The following PCDH9 variants were observed in gnomAD, a reference collection of about 807,000 sequenced individuals.
The protein encoded by PCDH9 is protocadherin 9, also known as protocadherin-9.
In PCDH9, 24 loss-of-function variants were observed where a neutral mutation model predicts 70.6. The observed-to-expected ratio is 0.34, with a 90% CI of 0.25 to 0.48. The LOEUF (loss-of-function observed/expected upper bound fraction) is 0.48. PCDH9 is among the 20% of genes least tolerant of loss of function. The pLI is 0.99. For missense variants in PCDH9, 1,281 were observed against 1,503.6 expected, an observed-to-expected ratio of 0.85 and a Z score of 2.45; for synonymous variants, 562 against 558.5, an observed-to-expected ratio of 1.01 and a Z score of -0.09.
At chr13:66,564,539 A>G (rs913181859) in intron 4 of PCDH9, among the ~76,000 whole-genome samples, 2 of 152,160 alleles carry the variant, frequency 1.3e-5, no homozygotes, top group African/African-American at 4.8e-5. Context: ...AGCTGATAAC[A>G]GAGAAATGGG....
rs2082661457 is a variant in PCDH9 at position 66,923,005 on chromosome 13, T to C, written c.3037-19400A>G. On this transcript the variant is annotated intron_variant, in intron 2 of 4. Coordinates refer to ENST00000377865, the MANE Select transcript of PCDH9 (RefSeq NM_203487.3). ...TTAGTTTTATCTTATCACAAGAGTT[T>C]GAAAGGGATGAGAATATTTATACGT... Among the ~76,000 whole-genome samples, 6 of 151,376 alleles carry C rather than the reference T, an allele frequency of 4.0e-5. No individual in the cohort carries two copies. The Admixed American group carries it at 4.0e-4, about 10-fold the overall frequency.
At chr13:66,513,707 A>T (rs1959597519) in intron 4 of PCDH9, among the ~76,000 whole-genome samples, 1 of 151,790 alleles carries the variant, frequency 6.6e-6, no homozygotes, top group Non-Finnish European at 1.5e-5. Context: ...CAAATGTGTA[A>T]CCTTTCTTAA....
chr13:66,457,916 G>A (rs1958351820), intron 4 of PCDH9, among the ~76,000 whole-genome samples: 1 of 151,788 alleles, frequency 6.6e-6, no homozygotes, highest in Non-Finnish European at 1.5e-5. Context: ...CCCTTAAATC[G>A]TTTCATTCAT....
At chr13:66,389,065 A>C (rs938537394) in intron 4 of PCDH9, among the ~76,000 whole-genome samples, 1 of 152,248 alleles carries the variant, frequency 6.6e-6, no homozygotes, top group African/African-American at 2.4e-5. Context: ...CCCACTACTA[A>C]ACATGCATTT....
chr13:66,548,686 T>C (rs1309431813), intron 4 of PCDH9, among the ~76,000 whole-genome samples: 1 of 152,198 alleles, frequency 6.6e-6, no homozygotes, highest in Non-Finnish European at 1.5e-5. Flanking sequence ...ATATCCACTT[T>C]AAAAGGCCTA....
chr13:67,148,662 C>T (rs2087582993), intron 2 of PCDH9, among the ~76,000 whole-genome samples: 1 of 151,908 alleles, frequency 6.6e-6, no homozygotes, highest in South Asian at 2.1e-4. Context: ...TGTTTTTCTT[C>T]GATGTCCTTT....
intron 3 of PCDH9, 57 bp from the exon 4 acceptor site, chr13:66,631,468 T>C: frequency 1.0e-6 from 1 of 952,988 alleles, no homozygotes; most frequent in Non-Finnish European, 1.7e-6. Context: ...AAAACAGGCC[T>C]AGTGGAACAC....
chr13:66,740,530 C>T (rs2079244236), intron 3 of PCDH9, among the ~76,000 whole-genome samples: 1 of 144,696 alleles, frequency 6.9e-6, no homozygotes, highest in Admixed American at 7.0e-5. Context: ...AAAAACCCTT[C>T]AAAAAATTAA....
At position 66,486,639 on chromosome 13, in the gene PCDH9, A is replaced by G. The variant is rs1352827418; in HGVS notation, c.3340+144571T>C. Among the ~76,000 whole-genome samples, 12 of 21,634 alleles carry G rather than the reference A, an allele frequency of 5.5e-4. No individual in the cohort carries two copies. In the Admixed American group the frequency reaches 7.9e-3, roughly 14 times the overall value. 14.2% of individuals were successfully genotyped at this position (21,634 alleles called of 152,430 possible). The stretch of plus-strand genomic sequence containing the variant: ...GGACAGAGTGAGATGCTATCTCAGA[A>G]AAAAAAAAAAAAAAAAAGTATTTGA... On this transcript the variant is annotated intron_variant, in intron 4 of 4. Coordinates refer to ENST00000377865, the MANE Select transcript of PCDH9 (RefSeq NM_203487.3).
intron 4 of PCDH9, among the ~76,000 whole-genome samples, chr13:66,471,257 T>C (rs9564317): frequency 0.39 from 59,916 of 151,938 alleles, 12,667 homozygotes; most frequent in East Asian, 0.66. Flanking sequence ...GATTGTTAAA[T>C]TGTTACCTTG....
chr13:66,509,753 T>C lies in PCDH9; in HGVS notation c.3340+121457A>G, dbSNP rs753431602. Reference sequence around the variant, plus strand: ...CAATCATGAGCCACCACACCCGGCCTGCAATAGTCTTAAATAAAGTCTTCC... The same window carrying C: ...CAATCATGAGCCACCACACCCGGCCCGCAATAGTCTTAAATAAAGTCTTCC... On this transcript the variant is annotated intron_variant, in intron 4 of 4. Coordinates refer to ENST00000377865, the MANE Select transcript of PCDH9 (RefSeq NM_203487.3). Among the ~76,000 whole-genome samples, 56 of 152,092 alleles carry C rather than the reference T, an allele frequency of 3.7e-4. 1 individual carries two copies. Among genetic ancestry groups the C allele is most frequent in the Non-Finnish European group, 7.4e-5 (5 of 68,008 alleles).
intron 3 of PCDH9, among the ~76,000 whole-genome samples, chr13:66,796,495 C>T (rs2080243651): frequency 6.6e-6 from 1 of 152,098 alleles, no homozygotes; most frequent in Non-Finnish European, 1.5e-5. Flanking sequence ...TAGTTGGCTT[C>T]TCTGGTTTGA....
chr13:66,535,113 A>G (rs893108636), intron 4 of PCDH9, among the ~76,000 whole-genome samples: 23 of 152,096 alleles, frequency 1.5e-4, no homozygotes, highest in African/African-American at 5.3e-4. Flanking sequence ...TAAAATTTTG[A>G]CATTCTGATT....
At chr13:66,972,249 A>C (rs2083537004) in intron 2 of PCDH9, among the ~76,000 whole-genome samples, 1 of 151,996 alleles carries the variant, frequency 6.6e-6, no homozygotes, top group African/African-American at 2.4e-5. Flanking sequence ...AGATATTCAT[A>C]GCTACATCAT....
At chr13:66,713,474 C>A (rs1399734550) in intron 3 of PCDH9, among the ~76,000 whole-genome samples, 2 of 151,132 alleles carry the variant, frequency 1.3e-5, no homozygotes, top group African/African-American at 4.9e-5. Flanking sequence ...TCTCTCCCAA[C>A]AAAAGAGATG....
rs78272540 is a variant in PCDH9, at chr13:66,767,176, A to C, written c.3139-135765T>G. ...ACAGAGAAAGCAGTCAAGGAAAAGA[A>C]GTTACTGAAACACACAATGACAGTG... is the stretch of plus-strand genomic sequence containing the variant. On this transcript the variant is annotated intron_variant, in intron 3 of 4. Coordinates refer to ENST00000377865, the MANE Select transcript of PCDH9 (RefSeq NM_203487.3). Among the ~76,000 whole-genome samples the C allele has an allele frequency of 3.0e-3, 454 of 151,442 alleles. 7 individuals are homozygous for C. The highest frequency in any genetic ancestry group is 0.01 in the African/African-American group (412 of 40,878).
intron 2 of PCDH9, among the ~76,000 whole-genome samples, chr13:67,130,531 G>A (rs2087086841): frequency 6.6e-6 from 1 of 151,790 alleles, no homozygotes; most frequent in Non-Finnish European, 1.5e-5. Flanking sequence ...ACAGGGGTTC[G>A]GGCCATGAGA....
intron 3 of PCDH9, among the ~76,000 whole-genome samples, chr13:66,877,625 T>C (rs1182469908): frequency 6.6e-6 from 1 of 152,174 alleles, no homozygotes; most frequent in Non-Finnish European, 1.5e-5. Context: ...AGATCCTTTT[T>C]ACTACAATTT....
At chr13:66,427,966 T>C (rs1957702787) in intron 4 of PCDH9, among the ~76,000 whole-genome samples, 1 of 151,802 alleles carries the variant, frequency 6.6e-6, no homozygotes, top group Non-Finnish European at 1.5e-5. Context: ...TAATATTATA[T>C]GTTTTGAGGT....
Sources: allele counts gnomAD v4.1 joint callset (sites outside exome capture counted in the v4.1 genomes callset), GRCh38; gene constraint gnomAD v4.1.1; transcripts MANE v1.5; gene names NCBI Gene and HGNC (gene_info 2026-07-23, HGNC 2026-07-21).